Variants in DPP6 observed in about 807,000 individuals in gnomAD.
DPP6 encodes the protein dipeptidyl peptidase like 6.
In DPP6, 69 loss-of-function variants were observed where a neutral mutation model predicts 122.6. That is an observed-to-expected ratio of 0.56 (90% confidence interval 0.46 to 0.69). DPP6 has a LOEUF of 0.69. Ranked by LOEUF, DPP6 falls within the 30% of genes least tolerant of loss-of-function variation. The pLI is 0.00. For synonymous variants in DPP6, 418 were observed against 433.1 expected (o/e 0.97, Z 0.43); for missense variants, 928 against 1,116.9 (o/e 0.83, Z 2.41).
At chr7:154,551,101 G>T (rs546857598) in intron 4 of DPP6, among the ~76,000 whole-genome samples, 61 of 152,256 alleles carry the variant, frequency 4.0e-4, no homozygotes, top group African/African-American at 1.4e-3. Flanking sequence ...CAGTTTCCAT[G>T]TAAGTTTGAT....
chr7:154,514,861 A>G (rs568145932), intron 3 of DPP6, among the ~76,000 whole-genome samples: 31 of 152,306 alleles, frequency 2.0e-4, no homozygotes, highest in African/African-American at 7.5e-4. Context: ...GTGTACAAAT[A>G]TCTGTTCGAG....
At position 154,759,443 on chromosome 7, in the gene DPP6, G is replaced by A. The variant is rs527385447; in HGVS notation, c.884-9974G>A. ...CCTGTCTCTTGTGCCTAAAGCACAA[G>A]GGGCAGCGGCAATAGGACGGAAGGG... On this transcript the variant is annotated intron_variant, in intron 8 of 25. Transcript: ENST00000377770. 5.3e-5 allele frequency among the ~76,000 whole-genome samples: 8 copies of A among 152,358 alleles called. No homozygotes were observed. The East Asian group carries it at 9.7e-4, about 18-fold the overall frequency.
At chr7:153,777,955 C>T in the DPP6 span, among the ~76,000 whole-genome samples, 10 of 147,192 alleles carry the variant, frequency 6.8e-5, 2 homozygotes, top group Admixed American at 2.6e-4. Flanking sequence ...ACAAATGAAA[C>T]TAACTCTATT....
At chr7:154,029,271 CTT>C (rs1247106892) in intron 1 of DPP6, among the ~76,000 whole-genome samples, 1 of 150,782 alleles carries the variant, frequency 6.6e-6, no homozygotes, top group East Asian at 2.0e-4. Context: ...AATCCCAGCA[CTT>C]TGGGAGGCTG....
chr7:154,305,335 T>TTGGGGCCCC, intron 1 of DPP6: 1 of 1,024,746 alleles, frequency 9.8e-7, no homozygotes, highest in Non-Finnish European at 1.2e-6. Flanking sequence ...TCGTCTTGTC[T>TTGGGGCCCC]ACCCACCCTC....
chr7:153,820,565 C>T, the DPP6 span, among the ~76,000 whole-genome samples: 8 of 152,038 alleles, frequency 5.3e-5, no homozygotes, highest in African/African-American at 1.7e-4. Flanking sequence ...TCTCAGAAGG[C>T]ATCCCCGGAT....
rs142714194 is a variant in DPP6, at chr7:154,651,166, T to C, written c.680+13293T>C. On this transcript the variant is annotated intron_variant, in intron 6 of 25. Coordinates refer to ENST00000377770, the MANE Select transcript of DPP6 (RefSeq NM_130797.4). ...TAGATACTAGCACTGCACTAGGTAC[T>C]AGCACTGCACTAGGTAATAGCACTG... Among the ~76,000 whole-genome samples the C allele has an allele frequency of 2.6e-5, 4 of 152,252 alleles. No individual in the cohort carries two copies. In the East Asian group the frequency reaches 7.7e-4, roughly 29 times the overall value.
chr7:154,469,911 CG>C (rs1362497580), intron 2 of DPP6, among the ~76,000 whole-genome samples: 4 of 152,132 alleles, frequency 2.6e-5, no homozygotes, highest in Non-Finnish European at 5.9e-5. Context: ...CCATCGCTGA[CG>C]GAACAGGCTG....
chr7:153,807,838 T>C, the DPP6 span, among the ~76,000 whole-genome samples: 2 of 152,038 alleles, frequency 1.3e-5, no homozygotes, highest in Admixed American at 1.3e-4. Context: ...CGAATCGATC[T>C]TGTGGCTTGA....
chr7:154,471,096 C>G (rs946291175), intron 2 of DPP6, among the ~76,000 whole-genome samples: 3 of 151,970 alleles, frequency 2.0e-5, no homozygotes, highest in Non-Finnish European at 4.4e-5. Context: ...ACTAGAAATA[C>G]AAAAATTAGC....
At chr7:153,955,331 T>C (rs1198229022) in intron 1 of DPP6, among the ~76,000 whole-genome samples, 1 of 152,218 alleles carries the variant, frequency 6.6e-6, no homozygotes, top group Non-Finnish European at 1.5e-5. Flanking sequence ...ATCACCGTCA[T>C]CATTAATGGG....
At chr7:154,682,261 T>G (rs1283179678) in intron 7 of DPP6, among the ~76,000 whole-genome samples, 1 of 152,206 alleles carries the variant, frequency 6.6e-6, no homozygotes, top group Non-Finnish European at 1.5e-5. Flanking sequence ...TGAAAGATCT[T>G]AAAAGGAAGA....
At chr7:154,590,825 C>T (rs901306684) in intron 5 of DPP6, among the ~76,000 whole-genome samples, 7 of 152,102 alleles carry the variant, frequency 4.6e-5, no homozygotes, top group Non-Finnish European at 8.8e-5. Flanking sequence ...TGAGCCACCA[C>T]GCCCAGCCGA....
chr7:154,801,418 G>A lies in DPP6; in HGVS notation c.1363G>A (p.Gly455Arg), dbSNP rs772441234. Residue 455 changes from glycine (G) to arginine (R), a missense_variant, in exon 13 of 26, where the codon GGA becomes AGA. Gly to Arg is a moderately radical substitution (Grantham distance 125). Transcript: ENST00000377770. ...TTTCTTCATCAGAGCCATCCCCCAG[G>A]GAGGACGAGGGAAATTCTATCACAT... is the stretch of plus-strand genomic sequence containing the variant. ...KFFFIRAIPQ[G>R]GRGKFYHITV... The A allele has an allele frequency of 3.8e-6, 6 of 1,594,532 alleles. No individual in the cohort carries two copies. In the Admixed American group the frequency reaches 5.2e-5, roughly 14 times the overall value.
intron 1 of DPP6, among the ~76,000 whole-genome samples, chr7:154,293,389 C>T (rs1003428017): frequency 6.6e-6 from 1 of 152,170 alleles, no homozygotes; most frequent in African/African-American, 2.4e-5. Context: ...AGCTGCAGAG[C>T]TCTTTGTTCC....
chr7:153,887,566 C>A, exon 1 of DPP6: 1 of 1,246,566 alleles, frequency 8.0e-7, no homozygotes, highest in Non-Finnish European at 1.1e-6. Context: ...TTTTTTTTTC[C>A]TTCAAAAACC....
chr7:154,781,728 T>C (rs1437047294), intron 10 of DPP6, among the ~76,000 whole-genome samples: 1 of 151,388 alleles, frequency 6.6e-6, no homozygotes, highest in East Asian at 2.0e-4. Flanking sequence ...TTTGTACCCC[T>C]GCTCAATCCA....
At chr7:154,581,838 G>T (rs73727303) in intron 5 of DPP6, among the ~76,000 whole-genome samples, 1 of 152,106 alleles carries the variant, frequency 6.6e-6, no homozygotes, top group Non-Finnish European at 1.5e-5. Context: ...TCATATCCCC[G>T]GAATGTCCCG....
intron 5 of DPP6, among the ~76,000 whole-genome samples, chr7:154,634,657 C>G (rs1315345603): frequency 7.2e-6 from 1 of 139,040 alleles, no homozygotes; most frequent in Non-Finnish European, 1.7e-5. Context: ...CCTCCTCCTC[C>G]TCTTCCTCCT....
Sources: gnomAD v4.1 joint callset for allele counts (sites outside exome capture counted in the v4.1 genomes callset) on GRCh38, gnomAD v4.1.1 for gene constraint, MANE v1.5 for transcripts, NCBI Gene and HGNC (gene_info 2026-07-23, HGNC 2026-07-21) for gene names.